The following L3MBTL4 variants were observed in gnomAD, a reference collection of about 807,000 sequenced individuals.
The protein encoded by L3MBTL4 is lethal(3)malignant brain tumor-like protein 4.
Under a neutral mutation model 84.5 loss-of-function variants are expected in L3MBTL4, and 70 were observed. The ratio of observed to expected loss-of-function variants is 0.83; its 90% CI spans 0.68 to 1.01. The LOEUF (loss-of-function observed/expected upper bound fraction) is 1.01, where lower values mean the gene tolerates loss of function less well. L3MBTL4 is among the 50% of genes least tolerant of loss of function. The probability of loss-of-function intolerance (pLI) is 0.00; values close to 1 mark genes in which losing one functional copy is unlikely to be tolerated. For synonymous variants in L3MBTL4, 274 were observed against 259.8 expected (o/e 1.05, Z -0.52); for missense variants, 715 against 754.8 (o/e 0.95, Z 0.62).
intron 13 of L3MBTL4, among the ~76,000 whole-genome samples, chr18:6,157,233 G>C (rs2043142818): frequency 6.6e-6 from 1 of 152,116 alleles, no homozygotes. Context: ...CTGTAATTTG[G>C]AAGAACAAGT....
chr18:6,385,031 T>C (rs981714749), intron 1 of L3MBTL4, among the ~76,000 whole-genome samples: 1 of 152,016 alleles, frequency 6.6e-6, no homozygotes, highest in Non-Finnish European at 1.5e-5. Flanking sequence ...ATACAGAAAT[T>C]TGGATACGGA....
chr18:6,093,637 A>T (rs1225391865), intron 14 of L3MBTL4, 109 bp from the exon 15 acceptor site: 1 of 869,270 alleles, frequency 1.2e-6, no homozygotes, highest in Admixed American at 3.4e-5. Flanking sequence ...GCATAGAAAC[A>T]TTCTTCTTTC....
At chr18:6,160,313 C>T (rs188780168) in intron 13 of L3MBTL4, among the ~76,000 whole-genome samples, 81 of 152,282 alleles carry the variant, frequency 5.3e-4, no homozygotes, top group Non-Finnish European at 9.6e-4. Context: ...CAGGAGTGTT[C>T]GGAGTCAGTG....
At chr18:6,044,232 T>C (rs771601318) in intron 16 of L3MBTL4, among the ~76,000 whole-genome samples, 4 of 152,210 alleles carry the variant, frequency 2.6e-5, no homozygotes, top group Non-Finnish European at 5.9e-5. Context: ...AAGAATAATC[T>C]GTATAAAAAT....
intron 4 of L3MBTL4, among the ~76,000 whole-genome samples, chr18:6,266,452 CAGA>C (rs1184107821): frequency 6.6e-6 from 1 of 152,114 alleles, no homozygotes; most frequent in Non-Finnish European, 1.5e-5. Context: ...GTGAATGTTC[CAGA>C]AGAAGATGCA....
Position 6,177,428 on chromosome 18 carries a change from A to G in L3MBTL4, c.982-5486T>C, listed in dbSNP as rs553046709. ...ACAACAGGCAATAGAAACCAGGTCCATGGTTGTCTGGGAGAAGGATGGGAG... is the reference window on the plus strand; with the variant it reads ...ACAACAGGCAATAGAAACCAGGTCCGTGGTTGTCTGGGAGAAGGATGGGAG... On this transcript the variant is annotated intron_variant, in intron 12 of 18. Transcript: ENST00000317931. Among the ~76,000 whole-genome samples, 6 of 152,310 alleles carry G rather than the reference A, an allele frequency of 3.9e-5. No individual in the cohort carries two copies. The South Asian group carries it at 8.3e-4, about 21-fold the overall frequency.
intron 4 of L3MBTL4, among the ~76,000 whole-genome samples, chr18:6,283,313 C>T (rs890619586): frequency 2.0e-5 from 3 of 152,124 alleles, no homozygotes; most frequent in Non-Finnish European, 2.9e-5. Context: ...CTACACATAG[C>T]TACATCCCAA....
chr18:6,190,002 T>A (rs1411555869), intron 12 of L3MBTL4, among the ~76,000 whole-genome samples: 1 of 151,976 alleles, frequency 6.6e-6, no homozygotes, highest in Non-Finnish European at 1.5e-5. Context: ...AAATGTGTAA[T>A]GAATATCAAC....
chr18:6,301,068 C>T (rs2050318029), intron 4 of L3MBTL4, among the ~76,000 whole-genome samples: 1 of 151,938 alleles, frequency 6.6e-6, no homozygotes, highest in Non-Finnish European at 1.5e-5. Context: ...CACAAATTCT[C>T]AATATTTCAT....
intron 13 of L3MBTL4, among the ~76,000 whole-genome samples, chr18:6,165,346 C>T (rs1199556757): frequency 6.6e-6 from 1 of 152,092 alleles, no homozygotes; most frequent in African/African-American, 2.4e-5. Context: ...CAAAGATACT[C>T]CTCGAGAAGA....
intron 4 of L3MBTL4, among the ~76,000 whole-genome samples, chr18:6,291,291 T>C (rs1266781883): frequency 6.6e-6 from 1 of 152,200 alleles, no homozygotes; most frequent in Admixed American, 6.5e-5. Flanking sequence ...ATCCCTGACA[T>C]GACTGTGTAT....
intron 4 of L3MBTL4, among the ~76,000 whole-genome samples, chr18:6,290,258 A>G (rs1211793027): frequency 6.7e-6 from 1 of 149,722 alleles, no homozygotes; most frequent in African/African-American, 2.5e-5. Flanking sequence ...AAAAGGAACA[A>G]TCAGACTGCA....
In L3MBTL4 at chr18:5,963,972, A is replaced by G. The variant is rs144615579; in HGVS notation, c.1615-3816T>C. Among the ~76,000 whole-genome samples the G allele has an allele frequency of 6.9e-4, 105 of 152,274 alleles. No individual in the cohort carries two copies. In the East Asian group the frequency reaches 0.019, roughly 28 times the overall value. ...GCAGTGGGGTCATCTCCTTTTTCAAAGGGGGTGATCATGCTGTTGGAGCCC... is the reference window on the plus strand; with the variant it reads ...GCAGTGGGGTCATCTCCTTTTTCAAGGGGGGTGATCATGCTGTTGGAGCCC... On this transcript the variant is annotated intron_variant, in intron 17 of 18. Transcript: ENST00000317931.
intron 6 of L3MBTL4, 29 bp from the exon 7 acceptor site, chr18:6,243,458 G>A (rs368193222): frequency 5.0e-5 from 77 of 1,550,646 alleles, no homozygotes; most frequent in Middle Eastern, 1.7e-4. Context: ...ACAATCATTC[G>A]TTAAGTGTCA....
At chr18:6,371,110 C>T (rs865858726) in intron 1 of L3MBTL4, among the ~76,000 whole-genome samples, 27 of 152,066 alleles carry the variant, frequency 1.8e-4, no homozygotes, top group Admixed American at 1.3e-4. Flanking sequence ...ATAGTCCCTG[C>T]GGTAATTACT....
At chr18:6,401,414 T>C (rs1186781877) in intron 1 of L3MBTL4, among the ~76,000 whole-genome samples, 2 of 152,202 alleles carry the variant, frequency 1.3e-5, no homozygotes, top group Non-Finnish European at 2.9e-5. Context: ...TGTTGCTCCT[T>C]ACAGCATATT....
chr18:6,323,247 A>G (rs1352121269), intron 1 of L3MBTL4, among the ~76,000 whole-genome samples: 1 of 152,208 alleles, frequency 6.6e-6, no homozygotes, highest in Non-Finnish European at 1.5e-5. Context: ...GAACTAACAC[A>G]GAAAATTCAT....
chr18:6,280,544 G>A (rs2049278659), intron 4 of L3MBTL4, among the ~76,000 whole-genome samples: 1 of 152,200 alleles, frequency 6.6e-6, no homozygotes, highest in African/African-American at 2.4e-5. Flanking sequence ...GAAACCTAAA[G>A]TGATTGTTCT....
intron 14 of L3MBTL4, among the ~76,000 whole-genome samples, chr18:6,135,124 T>G (rs1177065507): frequency 6.6e-6 from 1 of 152,158 alleles, no homozygotes; most frequent in Non-Finnish European, 1.5e-5. Flanking sequence ...ACTTCCACCC[T>G]CTGAAGCCAT....
Sources: gnomAD v4.1 joint callset for allele counts (sites outside exome capture counted in the v4.1 genomes callset) on GRCh38, gnomAD v4.1.1 for gene constraint, MANE v1.5 for transcripts, NCBI Gene and HGNC (gene_info 2026-07-23, HGNC 2026-07-21) for gene names.